Variants in OSMR observed in about 807,000 individuals in gnomAD.
The protein encoded by OSMR is oncostatin M receptor, also known as oncostatin-M-specific receptor subunit beta.
Under a neutral mutation model 99.9 loss-of-function variants are expected in OSMR, and 81 were observed. The observed-to-expected ratio is 0.81, with a 90% confidence interval of 0.68 to 0.97. The LOEUF is 0.97. Among genes scored for constraint, OSMR ranks in the 50% least tolerant of loss-of-function variants. The probability of loss-of-function intolerance (pLI) is 0.00; values close to 1 mark genes in which losing one functional copy is unlikely to be tolerated. For synonymous variants in OSMR, 406 were observed against 410.4 expected (o/e 0.99, Z 0.13); for missense variants, 1,099 against 1,153.4 (o/e 0.95, Z 0.68).
Position 38,885,608 on chromosome 5 carries a change from C to T in OSMR, c.839+124C>T, listed in dbSNP as rs77420633. ...GAACAAATATTTCAGAACCACCTGCCAAGGTCAAGAGGAAACCTTTAAGTG... is the reference window on the plus strand; with the variant it reads ...GAACAAATATTTCAGAACCACCTGCTAAGGTCAAGAGGAAACCTTTAAGTG... On this transcript the variant is annotated intron_variant, in intron 6 of 17. Coordinates refer to ENST00000274276, the MANE Select transcript of OSMR (RefSeq NM_003999.3). The T allele has an allele frequency of 0.023, 29,800 of 1,296,854 alleles. 2,493 individuals carry two copies. The East Asian group carries it at 0.32, about 14-fold the overall frequency. 80.3% of individuals were successfully genotyped at this position (1,296,854 alleles called of 1,614,324 possible).
intron 1 of OSMR, among the ~76,000 whole-genome samples, chr5:38,861,609 G>A (rs188655504): frequency 4.6e-5 from 7 of 152,194 alleles, no homozygotes; most frequent in Non-Finnish European, 1.0e-4. Flanking sequence ...TTGTCATCCC[G>A]GCCCGCTCTC....
chr5:38,883,815 T>G lies in OSMR; in HGVS notation c.419-12T>G. 1 of 1,612,352 alleles carries G rather than the reference T, an allele frequency of 6.2e-7. No homozygotes were observed. Among genetic ancestry groups the G allele is most frequent in the Non-Finnish European group, 8.5e-7 (1 of 1,179,986 alleles). On this transcript the variant is annotated splice_polypyrimidine_tract_variant and intron_variant, in intron 4 of 17. Transcript: ENST00000274276. Reference sequence around the variant, plus strand: ...AGTGCGATTCTAACTTGGCTATTTTTTTTTCTTGCAGTACAAGATTCTACT... The same window carrying G: ...AGTGCGATTCTAACTTGGCTATTTTGTTTTCTTGCAGTACAAGATTCTACT...
chr5:38,868,656 A>G (rs573050656), intron 1 of OSMR, among the ~76,000 whole-genome samples: 22 of 152,198 alleles, frequency 1.4e-4, no homozygotes, highest in South Asian at 2.1e-4. Context: ...AGTCCAATTA[A>G]ACCTCTTTTT....
chr5:38,924,364 A>G (rs1362407513), intron 13 of OSMR, 58 bp from the exon 14 acceptor site: 7 of 1,611,654 alleles, frequency 4.3e-6, no homozygotes, highest in Non-Finnish European at 5.9e-6. Flanking sequence ...GTTGACATGA[A>G]TATTCTGAGA....
At chr5:38,899,541 GT>G (rs1561381830) in intron 7 of OSMR, among the ~76,000 whole-genome samples, 1 of 152,166 alleles carries the variant, frequency 6.6e-6, no homozygotes. Flanking sequence ...ACGTCTCAGA[GT>G]CTCACCCAAG....
intron 2 of OSMR, among the ~76,000 whole-genome samples, chr5:38,875,889 C>T (rs1339552029): frequency 6.6e-6 from 1 of 151,950 alleles, no homozygotes; most frequent in Non-Finnish European, 1.5e-5. Flanking sequence ...TTTTTTTCAG[C>T]CTTGTTATAA....
At chr5:38,936,618 GACTT>G (rs530210533), downstream of OSMR, among the ~76,000 whole-genome samples, 34 of 152,308 alleles carry the variant, frequency 2.2e-4, 1 homozygote, top group African/African-American at 6.5e-4. Context: ...AGAACGTCAA[GACTT>G]ACTTAATAAT....
At chr5:38,890,923 G>A (rs1356055721) in intron 7 of OSMR, among the ~76,000 whole-genome samples, 1 of 152,004 alleles carries the variant, frequency 6.6e-6, no homozygotes, top group Non-Finnish European at 1.5e-5. Context: ...AGAATACTTG[G>A]CATGCCCGAA....
At position 38,884,012 on chromosome 5, in the gene OSMR, A is replaced by T. The variant is rs114792297; in HGVS notation, c.604A>T (p.Ser202Cys). The stretch of plus-strand genomic sequence containing the variant: ...ACATGTAACTGCATTCAACTTGAAT[A>T]GTGTGCCTTTCATTAGGAATAAAGG... ...DPHVTAFNLN[S>C]VPFIRNKGTN... Residue 202 changes from serine to cysteine, a missense_variant, in exon 5 of 18, where the codon AGT becomes TGT. Coordinates refer to ENST00000274276, the MANE Select transcript of OSMR (RefSeq NM_003999.3). 711 of 1,613,272 alleles carry T rather than the reference A, an allele frequency of 4.4e-4. 4 individuals are homozygous for T. In the African/African-American group the frequency reaches 8.5e-3, roughly 19 times the overall value.
rs1742832268 is a variant in OSMR, at chr5:38,876,331, G to T, written c.204G>T (p.Gln68His). The change falls in exon 3 of 18, where the codon CAG becomes CAT. Residue 68 changes from glutamine to histidine, a missense_variant. Gln to His is a conservative substitution (Grantham distance 24). Transcript: ENST00000274276. ...PYHQELKMVF[Q>H]IQISRIETSN... is the part of the protein sequence containing the mutation. Reference sequence around the variant, plus strand: ...ATCAGGAATTGAAAATGGTATTTCAGATCCAGATCAGTAGGATTGAAACAT... The same window carrying T: ...ATCAGGAATTGAAAATGGTATTTCATATCCAGATCAGTAGGATTGAAACAT... 2.5e-6 allele frequency: 4 copies of T among 1,613,342 alleles called. No homozygotes were observed. Among genetic ancestry groups the T allele is most frequent in the African/African-American group, 1.3e-5 (1 of 74,856 alleles).
In OSMR at chr5:38,935,083, C is replaced by T. The variant is rs168567; in HGVS notation, c.*1639C>T. On this transcript the variant is annotated 3_prime_UTR_variant, in exon 18 of 18. Transcript: ENST00000274276. ...CTCCTGACCTCAGGTGATCTGCCTG[C>T]CTTGGCCTCCCAAAGTGCTGGGATT... The T allele has an allele frequency of 0.042, 6,357 of 152,590 alleles. 241 individuals carry two copies. Among genetic ancestry groups the T allele is most frequent in the African/African-American group, 0.092 (3,838 of 41,550 alleles). 9.5% of individuals were successfully genotyped at this position (152,590 alleles called of 1,614,324 possible). A position where few individuals can be genotyped will look rare whatever the true frequency, so the allele number is the denominator to read the frequency against.
At chr5:38,853,448 C>T (rs936051789) in intron 1 of OSMR, among the ~76,000 whole-genome samples, 1 of 152,110 alleles carries the variant, frequency 6.6e-6, no homozygotes. Context: ...TTTTTAAGTA[C>T]CAAAGTAGGA....
Position 38,933,123 on chromosome 5 carries a change from T to C in OSMR, c.2619T>C (p.His873=). The change falls in exon 18 of 18, where the codon CAT becomes CAC. Residue 873 remains histidine (H), a synonymous_variant. Transcript: ENST00000274276. The stretch of plus-strand genomic sequence containing the variant: ...CTTCTGACTCTGGCTCTTGTGGCCA[T>C]GTTCCAGTATCCCCAAAAGCCCCAA... The part of the protein sequence containing the change: ...QAASDSGSCG[H]VPVSPKAPSM... The C allele has an allele frequency of 6.2e-7, 1 of 1,614,194 alleles. No individual in the cohort carries two copies. Among genetic ancestry groups the C allele is most frequent in the Non-Finnish European group, 8.5e-7 (1 of 1,180,026 alleles).
rs1214944815 is a variant in OSMR, at chr5:38,934,061, T to G, written c.*617T>G. On this transcript the variant is annotated 3_prime_UTR_variant, in exon 18 of 18. Transcript: ENST00000274276. Reference sequence around the variant, plus strand: ...GCTCTAATCTAATATATAAAATGTGTGATGAATCAACAAGATTTCCACAAT... The same window carrying G: ...GCTCTAATCTAATATATAAAATGTGGGATGAATCAACAAGATTTCCACAAT... 6.6e-6 allele frequency: 1 copy of G among 152,632 alleles called. No homozygotes were observed. The highest frequency in any genetic ancestry group is 6.5e-5 in the Admixed American group (1 of 15,278). The allele number at this position is 152,632 out of a possible 1,614,324, so 9.5% of individuals were successfully genotyped here. A position where few individuals can be genotyped will look rare whatever the true frequency, so the allele number is the denominator to read the frequency against.
At chr5:38,928,741 GAAAC>G (rs1746585851) in intron 15 of OSMR, among the ~76,000 whole-genome samples, 1 of 152,170 alleles carries the variant, frequency 6.6e-6, no homozygotes, top group Admixed American at 6.5e-5. Flanking sequence ...CTACTACACT[GAAAC>G]ATGTCCCTAG....
At chr5:38,939,226 G>GCTGAA (rs1747269878), downstream of OSMR, 1 of 232,998 alleles carries the variant, frequency 4.3e-6, no homozygotes, top group Non-Finnish European at 8.5e-6. Context: ...ATATCCCACT[G>GCTGAA]CTGAACACTT....
chr5:38,885,909 A>T, intron 6 of OSMR, 130 bp from the exon 7 acceptor site: 1 of 1,475,978 alleles, frequency 6.8e-7, no homozygotes, highest in Non-Finnish European at 9.0e-7. Flanking sequence ...TTGGTGATGG[A>T]TGGATCAATG....
At chr5:38,862,737 G>T (rs1420517028) in intron 1 of OSMR, among the ~76,000 whole-genome samples, 3 of 151,130 alleles carry the variant, frequency 2.0e-5, no homozygotes, top group Non-Finnish European at 4.4e-5. Flanking sequence ...CCGGGAAGAG[G>T]CGCTCCTCAC....
intron 7 of OSMR, among the ~76,000 whole-genome samples, chr5:38,891,307 G>T (rs191263458): frequency 9.0e-4 from 137 of 152,358 alleles, no homozygotes; most frequent in African/African-American, 3.1e-3. Context: ...CTCCCAGGAA[G>T]GATGCAAGGT....
Sources: allele counts gnomAD v4.1 joint callset (sites outside exome capture counted in the v4.1 genomes callset), GRCh38; gene constraint gnomAD v4.1.1; transcripts MANE v1.5; gene names NCBI Gene and HGNC (gene_info 2026-07-23, HGNC 2026-07-21).